The following SLC9A9 variants were observed in gnomAD, a reference collection of about 807,000 sequenced individuals.
The protein encoded by SLC9A9 is solute carrier family 9 member A9.
In SLC9A9, 62 loss-of-function variants were observed where a neutral mutation model predicts 77.8. The observed-to-expected ratio is 0.80, with a 90% CI of 0.65 to 0.98. SLC9A9 has a LOEUF of 0.98. Ranked by LOEUF, SLC9A9 falls within the 50% of genes least tolerant of loss-of-function variation. The pLI, the probability that SLC9A9 is intolerant of heterozygous loss-of-function variation, is 0.00. For missense variants in SLC9A9, 775 were observed against 774.9 expected (o/e 1.00, Z 0.00); for synonymous variants, 320 against 283.5 (o/e 1.13, Z -1.29).
At chr3:143,355,270 T>C (rs1371683249) in intron 14 of SLC9A9, among the ~76,000 whole-genome samples, 1 of 152,238 alleles carries the variant, frequency 6.6e-6, no homozygotes, top group Non-Finnish European at 1.5e-5. Flanking sequence ...ATGGAAATTT[T>C]AGTCACTCAG....
intron 4 of SLC9A9, among the ~76,000 whole-genome samples, chr3:143,706,645 C>T (rs1313225502): frequency 6.6e-6 from 1 of 152,144 alleles, no homozygotes; most frequent in Non-Finnish European, 1.5e-5. Context: ...ATGAAGACTG[C>T]GGATTGCCTG....
chr3:143,356,243 A>G (rs1251789538), intron 14 of SLC9A9, among the ~76,000 whole-genome samples: 1 of 152,220 alleles, frequency 6.6e-6, no homozygotes, highest in African/African-American at 2.4e-5. Flanking sequence ...AAATTGCACT[A>G]TTTAACTGTT....
intron 14 of SLC9A9, among the ~76,000 whole-genome samples, chr3:143,270,598 A>C (rs113214443): frequency 2.6e-4 from 39 of 152,232 alleles, no homozygotes; most frequent in Non-Finnish European, 8.8e-5. Context: ...CAAATTAAAA[A>C]AAATCCAGCC....
chr3:143,787,071 T>C (rs1463697037), intron 4 of SLC9A9, among the ~76,000 whole-genome samples: 1 of 152,174 alleles, frequency 6.6e-6, no homozygotes, highest in Admixed American at 6.5e-5. Context: ...CTTGGCACTT[T>C]TTCCTCTCTG....
Position 143,371,546 on chromosome 3 carries a change from G to A in SLC9A9, c.1525-7983C>T, listed in dbSNP as rs62276802. Among the ~76,000 whole-genome samples, 1,190 of 152,250 alleles carry A rather than the reference G, an allele frequency of 7.8e-3. 6 individuals are homozygous for A. Among genetic ancestry groups the A allele is most frequent in the Non-Finnish European group, 0.012 (819 of 68,024 alleles). Reference sequence around the variant, plus strand: ...AGCATGACCTGAAGCCAGAAGAAAGGTAACCTATAGAAACAGAACTTGAAA... The same window carrying A: ...AGCATGACCTGAAGCCAGAAGAAAGATAACCTATAGAAACAGAACTTGAAA... On this transcript the variant is annotated intron_variant, in intron 13 of 15. Transcript: ENST00000316549.
intron 4 of SLC9A9, among the ~76,000 whole-genome samples, chr3:143,707,258 AG>A (rs1934007725): frequency 6.6e-6 from 1 of 152,124 alleles, no homozygotes; most frequent in Admixed American, 6.6e-5. Flanking sequence ...GAATTTAAGA[AG>A]ACTATGGTAT....
At chr3:143,339,896 G>A (rs893832901) in intron 14 of SLC9A9, among the ~76,000 whole-genome samples, 3 of 152,138 alleles carry the variant, frequency 2.0e-5, no homozygotes, top group Non-Finnish European at 2.9e-5. Flanking sequence ...GCTACTGCCC[G>A]AATGATGGGG....
chr3:143,796,922 A>G lies in SLC9A9; in HGVS notation c.379-19T>C, dbSNP rs923540962. ...ATGTCATCTGCCAGAAAGGAAAAAA[A>G]GGATAGTTAGAATGATGCTCCTTTG... On this transcript the variant is annotated intron_variant, in intron 2 of 15. Coordinates refer to ENST00000316549, the MANE Select transcript of SLC9A9 (RefSeq NM_173653.4). The G allele has an allele frequency of 5.6e-6, 9 of 1,594,336 alleles. No individual in the cohort carries two copies. In the African/African-American group the frequency reaches 9.4e-5, roughly 17 times the overall value.
chr3:143,421,712 G>GC (rs1199413927), intron 12 of SLC9A9, among the ~76,000 whole-genome samples: 1 of 152,126 alleles, frequency 6.6e-6, no homozygotes, highest in Non-Finnish European at 1.5e-5. Context: ...GCCCTTAAAA[G>GC]CAAGTGCAAC....
intron 4 of SLC9A9, among the ~76,000 whole-genome samples, chr3:143,703,813 A>C (rs368180984): frequency 7.9e-5 from 12 of 152,266 alleles, no homozygotes; most frequent in East Asian, 3.9e-4. Context: ...GCAAATATTT[A>C]GTCAGAATAA....
chr3:143,364,547 A>T (rs2032845847), intron 13 of SLC9A9, among the ~76,000 whole-genome samples: 2 of 152,124 alleles, frequency 1.3e-5, no homozygotes, highest in Non-Finnish European at 1.5e-5. Context: ...CAGCCCTTAG[A>T]TGAGCTCATA....
intron 14 of SLC9A9, among the ~76,000 whole-genome samples, chr3:143,310,540 A>C (rs1157195468): frequency 6.6e-6 from 1 of 152,040 alleles, no homozygotes; most frequent in African/African-American, 2.4e-5. Flanking sequence ...AAAAAAAAAA[A>C]AAAAGCCCGA....
intron 12 of SLC9A9, among the ~76,000 whole-genome samples, chr3:143,434,658 C>G (rs1306967014): frequency 2.0e-5 from 3 of 152,194 alleles, no homozygotes; most frequent in Non-Finnish European, 4.4e-5. Flanking sequence ...CCCCATCTCA[C>G]AGCTACTGCC....
chr3:143,536,952 T>C (rs959847198), intron 9 of SLC9A9, among the ~76,000 whole-genome samples: 2 of 151,960 alleles, frequency 1.3e-5, no homozygotes, highest in African/African-American at 4.8e-5. Flanking sequence ...ACGCTGCACC[T>C]CCTGCCAATT....
chr3:143,846,526 T>A (rs1220810235), intron 1 of SLC9A9, among the ~76,000 whole-genome samples: 1 of 152,066 alleles, frequency 6.6e-6, no homozygotes, highest in East Asian at 1.9e-4. Flanking sequence ...ATTTTTTTTT[T>A]CTCTTAAATG....
At chr3:143,348,042 T>C (rs1190635397) in intron 14 of SLC9A9, among the ~76,000 whole-genome samples, 1 of 149,154 alleles carries the variant, frequency 6.7e-6, no homozygotes, top group Non-Finnish European at 1.5e-5. Flanking sequence ...TTAGAGGGAA[T>C]CTTACTCTGT....
At chr3:143,662,962 T>C (rs1261203903) in intron 5 of SLC9A9, among the ~76,000 whole-genome samples, 1 of 149,056 alleles carries the variant, frequency 6.7e-6, no homozygotes, top group Non-Finnish European at 1.5e-5. Flanking sequence ...GAGTTTGAGA[T>C]CTGAGAACTG....
At chr3:143,785,639 C>T (rs1265076088) in intron 4 of SLC9A9, among the ~76,000 whole-genome samples, 7 of 152,078 alleles carry the variant, frequency 4.6e-5, no homozygotes, top group Non-Finnish European at 8.8e-5. Flanking sequence ...AAATAGGTAA[C>T]TGATATACTC....
chr3:143,678,414 G>T (rs1222737731), intron 5 of SLC9A9, among the ~76,000 whole-genome samples: 1 of 151,920 alleles, frequency 6.6e-6, no homozygotes, highest in Non-Finnish European at 1.5e-5. Flanking sequence ...TTTTCTTGCA[G>T]TAGTTTTTTA....
Sources: gnomAD v4.1 joint callset for allele counts (sites outside exome capture counted in the v4.1 genomes callset) on GRCh38, gnomAD v4.1.1 for gene constraint, MANE v1.5 for transcripts, NCBI Gene and HGNC (gene_info 2026-07-23, HGNC 2026-07-21) for gene names.